Variants in NLGN1 observed in about 807,000 individuals in gnomAD.
NLGN1 encodes neuroligin 1, also known as neuroligin-1.
Under a neutral mutation model 65.5 loss-of-function variants are expected in NLGN1, and 12 were observed. The observed-to-expected ratio is 0.18, with a 90% CI of 0.12 to 0.30. The LOEUF (loss-of-function observed/expected upper bound fraction) is 0.30, where lower values mean the gene tolerates loss of function less well. NLGN1 is among the 10% of genes least tolerant of loss of function. The pLI is 1.00. For missense variants in NLGN1, 750 were observed against 1,007.1 expected (o/e 0.74, Z 3.46); for synonymous variants, 350 against 359.5 (o/e 0.97, Z 0.30).
chr3:173,399,170 CAG>C (rs1215632979), intron 1 of NLGN1, among the ~76,000 whole-genome samples: 1 of 152,202 alleles, frequency 6.6e-6, no homozygotes, highest in Non-Finnish European at 1.5e-5. Context: ...GAGTGATTCA[CAG>C]AGAAAGTGGA....
rs1371511826 is a variant in NLGN1 at position 173,649,362 on chromosome 3, TTGTAACTATTACAAGTTACATGTCTA to T, written c.493+44285_493+44310del. On this transcript the variant is annotated intron_variant, in intron 3 of 6. Transcript: ENST00000457714. ...ACTATTACATGTTACAAGTTACATT[TTGTAACTATTACAAGTTACATGTCTA>T]TGTAACTATTACATATACATGTCAT... Among the ~76,000 whole-genome samples the T allele has an allele frequency of 7.2e-5, 11 of 152,250 alleles. No individual in the cohort carries two copies. The East Asian group carries it at 2.1e-3, about 29-fold the overall frequency.
At chr3:173,541,304 C>T (rs539473549) in intron 2 of NLGN1, among the ~76,000 whole-genome samples, 1 of 152,098 alleles carries the variant, frequency 6.6e-6, no homozygotes, top group Non-Finnish European at 1.5e-5. Flanking sequence ...AGGGTTGCAA[C>T]AAATTATATT....
chr3:174,049,604 G>T (rs1204400464), intron 4 of NLGN1, among the ~76,000 whole-genome samples: 1 of 152,026 alleles, frequency 6.6e-6, no homozygotes, highest in East Asian at 1.9e-4. Context: ...CTATCTCCCT[G>T]CCATCTTTCT....
intron 3 of NLGN1, among the ~76,000 whole-genome samples, chr3:173,718,127 G>T (rs543656124): frequency 6.6e-6 from 1 of 151,932 alleles, no homozygotes; most frequent in Non-Finnish European, 1.5e-5. Context: ...CACCTCAAAC[G>T]TTTGTTATTT....
At chr3:174,076,725 G>GAA (rs1741072862) in intron 4 of NLGN1, among the ~76,000 whole-genome samples, 1 of 101,008 alleles carries the variant, frequency 9.9e-6, no homozygotes, top group Admixed American at 9.1e-5. Context: ...GAGAGAGAGA[G>GAA]TGTGTGTGTG....
intron 3 of NLGN1, among the ~76,000 whole-genome samples, chr3:173,730,788 G>T (rs921508297): frequency 1.1e-4 from 16 of 151,952 alleles, no homozygotes; most frequent in Non-Finnish European, 1.8e-4. Context: ...TTATTAAAAG[G>T]TCTTTCTTTT....
At chr3:173,609,470 G>T (rs1751938836) in intron 3 of NLGN1, among the ~76,000 whole-genome samples, 1 of 151,754 alleles carries the variant, frequency 6.6e-6, no homozygotes, top group Admixed American at 6.6e-5. Context: ...ACAGGTTTTT[G>T]GTTTGTCTGG....
chr3:173,884,799 G>A (rs1030442200), intron 4 of NLGN1, among the ~76,000 whole-genome samples: 6 of 151,974 alleles, frequency 3.9e-5, no homozygotes, highest in East Asian at 1.9e-4. Context: ...TATTTCTCAC[G>A]TTTCTGAAGG....
chr3:174,058,458 A>G lies in NLGN1; in HGVS notation c.647-216857A>G, dbSNP rs959870212. 5.3e-5 allele frequency among the ~76,000 whole-genome samples: 8 copies of G among 152,184 alleles called. No homozygotes were observed. In the Middle Eastern group the frequency reaches 0.017, roughly 324 times the overall value. ...TGTAGAAAAGAGCAAGAGGGGTGCC[A>G]TGTTACAACACAGAGAGATTTTCAT... On this transcript the variant is annotated intron_variant, in intron 4 of 6. Coordinates refer to ENST00000457714, the Ensembl canonical transcript of NLGN1.
In NLGN1 at chr3:173,952,358, G is replaced by T. The variant is rs953894224; in HGVS notation, c.646+144526G>T. The stretch of plus-strand genomic sequence containing the variant: ...TGTTGCCCTCCAGAAGAGAGCTGTT[G>T]CCTAAGAATGTACACAAGAGGTGAG... On this transcript the variant is annotated intron_variant, in intron 4 of 6. Transcript: ENST00000457714. Among the ~76,000 whole-genome samples, 4 of 152,180 alleles carry T rather than the reference G, an allele frequency of 2.6e-5. No individual in the cohort carries two copies. In the South Asian group the frequency reaches 8.3e-4, roughly 31 times the overall value.
intron 3 of NLGN1, among the ~76,000 whole-genome samples, chr3:173,788,437 G>A (rs868671649): frequency 1.3e-5 from 2 of 151,826 alleles, no homozygotes; most frequent in South Asian, 4.1e-4. Flanking sequence ...CTGTGTGATA[G>A]CAAAAATTTT....
intron 4 of NLGN1, among the ~76,000 whole-genome samples, chr3:174,217,851 A>T (rs761719262): frequency 6.6e-6 from 1 of 152,070 alleles, no homozygotes; most frequent in Non-Finnish European, 1.5e-5. Flanking sequence ...ATATACATAC[A>T]TCAGGCATTG....
intron 2 of NLGN1, among the ~76,000 whole-genome samples, chr3:173,487,999 G>A (rs1728442497): frequency 6.6e-6 from 1 of 151,172 alleles, no homozygotes; most frequent in Non-Finnish European, 1.5e-5. Flanking sequence ...AGTTTTTGTT[G>A]TATTTTATCG....
At chr3:174,177,686 G>A (rs1729694050) in intron 4 of NLGN1, among the ~76,000 whole-genome samples, 1 of 151,968 alleles carries the variant, frequency 6.6e-6, no homozygotes. Flanking sequence ...AGAAAAATAT[G>A]AGATTCTTAT....
chr3:173,776,913 C>A (rs1780380921), intron 3 of NLGN1, among the ~76,000 whole-genome samples: 1 of 151,922 alleles, frequency 6.6e-6, no homozygotes, highest in African/African-American at 2.4e-5. Flanking sequence ...ACCTGTGACC[C>A]TGATCTCATT....
At chr3:173,410,734 T>A (rs1161665709) in intron 1 of NLGN1, among the ~76,000 whole-genome samples, 1 of 152,218 alleles carries the variant, frequency 6.6e-6, no homozygotes, top group African/African-American at 2.4e-5. Flanking sequence ...TTAAATCTCT[T>A]AATTACAAAG....
At chr3:174,142,432 A>G (rs1302127920) in intron 4 of NLGN1, among the ~76,000 whole-genome samples, 1 of 152,176 alleles carries the variant, frequency 6.6e-6, no homozygotes, top group Non-Finnish European at 1.5e-5. Flanking sequence ...ATACATATGT[A>G]TAAGTCGTTC....
intron 2 of NLGN1, among the ~76,000 whole-genome samples, chr3:173,555,779 G>GC (rs1395821864): frequency 1.2e-4 from 18 of 152,114 alleles, no homozygotes; most frequent in Admixed American, 3.3e-4. Flanking sequence ...AATGCTCCCA[G>GC]CCCCTTGTCA....
chr3:174,084,309 GTCAA>G (rs1172768674), intron 4 of NLGN1, among the ~76,000 whole-genome samples: 1 of 152,114 alleles, frequency 6.6e-6, no homozygotes, highest in African/African-American at 2.4e-5. Flanking sequence ...TTACAACAAA[GTCAA>G]TCAATTTAAC....
Sources: gnomAD v4.1 joint callset for allele counts (sites outside exome capture counted in the v4.1 genomes callset) on GRCh38, gnomAD v4.1.1 for gene constraint, MANE v1.5 for transcripts, NCBI Gene and HGNC (gene_info 2026-07-23, HGNC 2026-07-21) for gene names.